NCAM2: variants seen among roughly 807,000 people sequenced by gnomAD.
NCAM2 encodes the protein neural cell adhesion molecule 2.
Under a neutral mutation model 98.1 loss-of-function variants are expected in NCAM2, and 30 were observed. The ratio of observed to expected loss-of-function variants is 0.31; its 90% CI spans 0.23 to 0.41. The LOEUF (loss-of-function observed/expected upper bound fraction) is 0.41, where lower values mean the gene tolerates loss of function less well. Ranked by LOEUF, NCAM2 falls within the 10% of genes least tolerant of loss-of-function variation. NCAM2 has a pLI of 1.00. For synonymous variants in NCAM2, 368 were observed against 342.4 expected, an observed-to-expected ratio of 1.07 and a Z score of -0.83; for missense variants, 867 against 1,005.8, an observed-to-expected ratio of 0.86 and a Z score of 1.87.
At chr21:21,364,500 A>G (rs1355546338) in intron 8 of NCAM2, among the ~76,000 whole-genome samples, 2 of 152,156 alleles carry the variant, frequency 1.3e-5, no homozygotes, top group Non-Finnish European at 2.9e-5. Flanking sequence ...CATATAGACT[A>G]TATAAGATTT....
chr21:21,228,315 G>T (rs1477323348), intron 1 of NCAM2, among the ~76,000 whole-genome samples: 1 of 151,344 alleles, frequency 6.6e-6, no homozygotes, highest in South Asian at 2.1e-4. Context: ...ATTAAATTTA[G>T]GAAATTAAAG....
intron 1 of NCAM2, among the ~76,000 whole-genome samples, chr21:21,006,426 T>C (rs2064114514): frequency 6.6e-6 from 1 of 152,148 alleles, no homozygotes; most frequent in Non-Finnish European, 1.5e-5. Context: ...AGAAAATCAC[T>C]TGAGTCTGGG....
intron 8 of NCAM2, among the ~76,000 whole-genome samples, chr21:21,343,352 T>TACACACACAC (rs1207234552): frequency 0.082 from 8,994 of 109,778 alleles, 343 homozygotes; most frequent in Non-Finnish European, 0.11. Flanking sequence ...CAACTATCTA[T>TACACACACAC]ACACATACAC....
chr21:21,460,766 A>G (rs1982855428), intron 12 of NCAM2, among the ~76,000 whole-genome samples: 1 of 151,998 alleles, frequency 6.6e-6, no homozygotes, highest in African/African-American at 2.4e-5. Context: ...TTCTCACAGT[A>G]TAGTAGCCAA....
intron 8 of NCAM2, among the ~76,000 whole-genome samples, chr21:21,361,624 TC>T (rs2075647950): frequency 6.6e-6 from 1 of 152,104 alleles, no homozygotes; most frequent in South Asian, 2.1e-4. Context: ...GCTTTAATGA[TC>T]AATTGGATTC....
At chr21:21,287,181 C>T (rs942213545) in intron 4 of NCAM2, among the ~76,000 whole-genome samples, 1 of 151,906 alleles carries the variant, frequency 6.6e-6, no homozygotes. Flanking sequence ...AATGCACCTG[C>T]ACAGCAGAGA....
chr21:21,400,729 G>A (rs545090041), intron 9 of NCAM2, among the ~76,000 whole-genome samples: 1 of 151,990 alleles, frequency 6.6e-6, no homozygotes, highest in South Asian at 2.1e-4. Flanking sequence ...GGGATCAAAG[G>A]CACCTTATTG....
rs116793350 is a variant in NCAM2 at position 21,050,645 on chromosome 21, T to C, written c.55+52027T>C. 6.1e-3 allele frequency among the ~76,000 whole-genome samples: 928 copies of C among 152,282 alleles called. 21 individuals are homozygous for C. The highest frequency in any genetic ancestry group is 0.022 in the African/African-American group (909 of 41,574). On this transcript the variant is annotated intron_variant, in intron 1 of 17. Transcript: ENST00000400546. ...TTCGGATTCCCAACAACACCTGTCA[T>C]TGGGGGTCTGATATTGGAGATCTAA...
chr21:21,239,975 C>A (rs557773197), intron 1 of NCAM2, among the ~76,000 whole-genome samples: 2 of 152,080 alleles, frequency 1.3e-5, no homozygotes, highest in Non-Finnish European at 2.9e-5. Context: ...CTCTCTCCCC[C>A]TCTCTTTGTC....
At chr21:21,319,847 AC>A (rs2074328620) in intron 5 of NCAM2, among the ~76,000 whole-genome samples, 1 of 152,228 alleles carries the variant, frequency 6.6e-6, no homozygotes, top group African/African-American at 2.4e-5. Flanking sequence ...GCATCAGTTA[AC>A]AATTTTTCAT....
intron 6 of NCAM2, 90 bp downstream of exon 6, chr21:21,324,590 AAACC>A: frequency 5.3e-6 from 5 of 937,052 alleles, no homozygotes; most frequent in Non-Finnish European, 8.1e-6. Flanking sequence ...GGTAAAAAGC[AAACC>A]ATTGCATTTT....
chr21:21,043,316 G>A (rs2064942040), intron 1 of NCAM2, among the ~76,000 whole-genome samples: 1 of 152,042 alleles, frequency 6.6e-6, no homozygotes, highest in Admixed American at 6.6e-5. Flanking sequence ...TCAGAATCTA[G>A]GATGAGTAAT....
At chr21:21,407,775 T>A (rs1602245445) in intron 9 of NCAM2, among the ~76,000 whole-genome samples, 2 of 152,344 alleles carry the variant, frequency 1.3e-5, no homozygotes, top group Admixed American at 1.3e-4. Context: ...TATATTTTCC[T>A]TAATCCTCTC....
intron 5 of NCAM2, among the ~76,000 whole-genome samples, chr21:21,298,997 G>A (rs1388306094): frequency 6.6e-6 from 1 of 151,222 alleles, no homozygotes; most frequent in African/African-American, 2.4e-5. Context: ...GTACAGAAGT[G>A]AATCCTATCA....
At chr21:21,006,309 C>A (rs2064112450) in intron 1 of NCAM2, among the ~76,000 whole-genome samples, 1 of 152,064 alleles carries the variant, frequency 6.6e-6, no homozygotes, top group Non-Finnish European at 1.5e-5. Context: ...AAGTTTGAAA[C>A]CAGCCTGGGC....
At position 21,093,744 on chromosome 21, in the gene NCAM2, TTGTC is replaced by T. The variant is rs549214287; in HGVS notation, c.55+95129_55+95132del. ...GTAACAGTAATTCCCTTGATGTTCT[TTGTC>T]TGCAGTGCCTCATTTCTGCCTCCAA... On this transcript the variant is annotated intron_variant, in intron 1 of 17. Coordinates refer to ENST00000400546, the MANE Select transcript of NCAM2 (RefSeq NM_004540.5). Among the ~76,000 whole-genome samples, 72 of 152,154 alleles carry T rather than the reference TTGTC, an allele frequency of 4.7e-4. 1 individual carries two copies. In the South Asian group the frequency reaches 0.014, roughly 30 times the overall value.
chr21:21,478,926 G>A (rs1194525149), intron 15 of NCAM2, among the ~76,000 whole-genome samples: 4 of 151,968 alleles, frequency 2.6e-5, no homozygotes, highest in Non-Finnish European at 5.9e-5. Flanking sequence ...ATGTACTATC[G>A]AATTCATTAC....
intron 12 of NCAM2, among the ~76,000 whole-genome samples, chr21:21,444,018 A>G (rs150383833): frequency 9.6e-4 from 146 of 152,254 alleles, no homozygotes; most frequent in African/African-American, 3.2e-3. Flanking sequence ...TGTTCCATCA[A>G]TACCTAGCAT....
chr21:21,068,135 CTTT>C (rs68078560), intron 1 of NCAM2, among the ~76,000 whole-genome samples: 5 of 88,546 alleles, frequency 5.6e-5, no homozygotes, highest in Non-Finnish European at 4.6e-5. Context: ...ACTTTTTTTT[CTTT>C]TTTTTTTTTT....
Sources: gnomAD v4.1 joint callset for allele counts (sites outside exome capture counted in the v4.1 genomes callset) on GRCh38, gnomAD v4.1.1 for gene constraint, MANE v1.5 for transcripts, NCBI Gene and HGNC (gene_info 2026-07-23, HGNC 2026-07-21) for gene names.